CACNA2D3: variants seen among roughly 807,000 people sequenced by gnomAD.
The protein encoded by CACNA2D3 is voltage-dependent calcium channel subunit alpha-2/delta-3.
A neutral mutation model predicts 160.6 loss-of-function variants in CACNA2D3; 60 were observed. That is an observed-to-expected ratio of 0.37 (90% CI 0.30 to 0.46). The LOEUF is 0.46. Ranked by LOEUF, CACNA2D3 falls within the 20% of genes least tolerant of loss-of-function variation. CACNA2D3 has a pLI of 1.00. For missense variants in CACNA2D3, 1,205 were observed against 1,365.0 expected (o/e 0.88, Z 1.85); for synonymous variants, 558 against 492.9 (o/e 1.13, Z -1.75).
chr3:54,343,663 C>A (rs1218389569), intron 3 of CACNA2D3, among the ~76,000 whole-genome samples: 1 of 152,186 alleles, frequency 6.6e-6, no homozygotes, highest in East Asian at 1.9e-4. Context: ...CTCACCTCAT[C>A]CTCTCAAAGT....
chr3:54,271,550 C>T (rs538066737), intron 2 of CACNA2D3, among the ~76,000 whole-genome samples: 63 of 152,312 alleles, frequency 4.1e-4, no homozygotes, highest in African/African-American at 1.5e-3. Context: ...ACTTGTCATA[C>T]AGACATCTGG....
At chr3:54,482,108 C>T (rs189774513) in intron 4 of CACNA2D3, among the ~76,000 whole-genome samples, 12 of 152,324 alleles carry the variant, frequency 7.9e-5, no homozygotes, top group Admixed American at 7.8e-4. Context: ...AACTCTCTAA[C>T]AGTGTTTCTT....
At chr3:54,565,683 G>A (rs557016870) in intron 6 of CACNA2D3, among the ~76,000 whole-genome samples, 7 of 152,246 alleles carry the variant, frequency 4.6e-5, no homozygotes, top group East Asian at 1.9e-4. Context: ...ATGGCCACAC[G>A]TGGTTAGTAG....
Position 54,837,175 on chromosome 3 carries a change from G to T in CACNA2D3, c.1415G>T (p.Gly472Val), listed in dbSNP as rs768035737. 6.2e-7 allele frequency: 1 copy of T among 1,613,764 alleles called. No homozygotes were observed. The highest frequency in any genetic ancestry group is 8.5e-7 in the Non-Finnish European group (1 of 1,179,822). Residue 472 changes from glycine (G) to valine (V), a missense_variant, in exon 15 of 38, where the codon GGC (glycine) becomes GTC (valine). By Grantham distance (109) the Gly-to-Val change is moderately radical (BLOSUM62 -3). This residue lies in a region of CACNA2D3 where 911 missense variants were observed against 1,002.2 expected (regional missense o/e 0.91). Coordinates refer to ENST00000474759, the MANE Select transcript of CACNA2D3 (RefSeq NM_018398.3). ...PQAQKLTDDQGPVLMTTVAMP... is the reference protein window; with the variant it reads ...PQAQKLTDDQVPVLMTTVAMP... The stretch of plus-strand genomic sequence containing the variant: ...TCCATCCAGCTGACTGATGATCAGG[G>T]CCCCGTCCTGATGACCACTGTAGCC...
At chr3:55,045,082 C>G (rs1376239731) in intron 35 of CACNA2D3, among the ~76,000 whole-genome samples, 1 of 151,972 alleles carries the variant, frequency 6.6e-6, no homozygotes, top group African/African-American at 2.4e-5. Flanking sequence ...GAGTTTCATT[C>G]TTGTTGCCCA....
chr3:54,981,388 A>G (rs1244413846), intron 29 of CACNA2D3, among the ~76,000 whole-genome samples: 1 of 152,176 alleles, frequency 6.6e-6, no homozygotes, highest in Non-Finnish European at 1.5e-5. Flanking sequence ...CCTTTTTCCC[A>G]TTTATCAAAA....
chr3:54,639,067 G>A (rs1466639809), intron 10 of CACNA2D3: 1 of 146,912 alleles, frequency 6.8e-6, no homozygotes, highest in African/African-American at 2.7e-5. Context: ...ATAAGGGATT[G>A]GGGCGCAGAG....
At chr3:54,737,026 C>T (rs1402042218) in intron 11 of CACNA2D3, among the ~76,000 whole-genome samples, 1 of 152,174 alleles carries the variant, frequency 6.6e-6, no homozygotes, top group Non-Finnish European at 1.5e-5. Flanking sequence ...TTAGCATGTT[C>T]TTACTCCTTA....
chr3:54,588,048 T>A (rs1425030147), intron 9 of CACNA2D3, among the ~76,000 whole-genome samples: 1 of 152,180 alleles, frequency 6.6e-6, no homozygotes, highest in African/African-American at 2.4e-5. Flanking sequence ...TGAACTTACA[T>A]GCAAGAATCC....
intron 4 of CACNA2D3, among the ~76,000 whole-genome samples, chr3:54,406,772 G>C (rs1699584308): frequency 6.6e-6 from 1 of 152,028 alleles, no homozygotes; most frequent in African/African-American, 2.4e-5. Flanking sequence ...TAATAGTAGT[G>C]TATTGTATTC....
At chr3:54,434,077 C>T (rs1423049122) in intron 4 of CACNA2D3, among the ~76,000 whole-genome samples, 1 of 152,166 alleles carries the variant, frequency 6.6e-6, no homozygotes, top group Non-Finnish European at 1.5e-5. Flanking sequence ...GAGCAGGAAC[C>T]CAATCTTCCA....
intron 4 of CACNA2D3, among the ~76,000 whole-genome samples, chr3:54,438,990 C>T (rs1339899503): frequency 2.0e-5 from 3 of 152,146 alleles, no homozygotes; most frequent in Non-Finnish European, 4.4e-5. Context: ...ATACAAGTGC[C>T]CAATCAGTCG....
chr3:54,679,698 T>C (rs1331871769), intron 11 of CACNA2D3, among the ~76,000 whole-genome samples: 1 of 152,342 alleles, frequency 6.6e-6, no homozygotes, highest in East Asian at 1.9e-4. Flanking sequence ...GACCATTCTT[T>C]GAAAACATGC....
chr3:54,134,541 G>C (rs778897482), intron 2 of CACNA2D3, among the ~76,000 whole-genome samples: 17 of 152,174 alleles, frequency 1.1e-4, no homozygotes, highest in Non-Finnish European at 2.2e-4. Flanking sequence ...AGATCACCAG[G>C]TCCTTCACAG....
chr3:54,748,958 G>C (rs917849488), intron 11 of CACNA2D3, among the ~76,000 whole-genome samples: 1 of 152,204 alleles, frequency 6.6e-6, no homozygotes, highest in Non-Finnish European at 1.5e-5. Context: ...GAGCAGTAGC[G>C]TAAGGCAGTA....
intron 13 of CACNA2D3, among the ~76,000 whole-genome samples, chr3:54,784,660 T>G (rs1417856952): frequency 6.6e-6 from 1 of 151,074 alleles, no homozygotes; most frequent in Admixed American, 6.6e-5. Context: ...CAGTGCAGAG[T>G]TGCAATGAAA....
intron 31 of CACNA2D3, among the ~76,000 whole-genome samples, chr3:54,999,761 G>A (rs926727754): frequency 1.3e-5 from 2 of 152,188 alleles, no homozygotes; most frequent in African/African-American, 4.8e-5. Flanking sequence ...AATGCAGCCT[G>A]CTAATTCTTA....
At chr3:54,422,524 G>C (rs2106753766) in intron 4 of CACNA2D3, among the ~76,000 whole-genome samples, 1 of 152,292 alleles carries the variant, frequency 6.6e-6, no homozygotes, top group South Asian at 2.1e-4. Context: ...AGAAACAGTA[G>C]ATATATAGGC....
intron 27 of CACNA2D3, among the ~76,000 whole-genome samples, chr3:54,915,116 A>C (rs1700633916): frequency 6.6e-6 from 1 of 152,230 alleles, no homozygotes; most frequent in South Asian, 2.1e-4. Context: ...TTTTATAAGG[A>C]AAAATGAAAC....
Sources: allele counts gnomAD v4.1 joint callset (sites outside exome capture counted in the v4.1 genomes callset), GRCh38; gene constraint gnomAD v4.1.1; regional missense constraint gnomAD v4.1.1; transcripts MANE v1.5; gene names NCBI Gene and HGNC (gene_info 2026-07-23, HGNC 2026-07-21).